The following ZNF91 variants were observed in gnomAD, a reference collection of about 807,000 sequenced individuals.
The protein encoded by ZNF91 is zinc finger protein 91 (HPF7, HTF10).
A neutral mutation model predicts 12.6 loss-of-function variants in ZNF91; 7 were observed. The ratio of observed to expected loss-of-function variants is 0.55; its 90% CI spans 0.31 to 1.04. The LOEUF (loss-of-function observed/expected upper bound fraction) is 1.04. Among genes scored for constraint, ZNF91 ranks in the 50% least tolerant of loss-of-function variants. The pLI, the probability that ZNF91 is intolerant of heterozygous loss-of-function variation, is 0.05. For synonymous variants in ZNF91, 453 were observed against 462.6 expected (o/e 0.98, Z 0.27); for missense variants, 1,217 against 1,385.4 (o/e 0.88, Z 1.93).
chr19:23,315,921 T>C (rs533698369), intron 1 of ZNF91, among the ~76,000 whole-genome samples: 1 of 152,182 alleles, frequency 6.6e-6, no homozygotes, highest in Non-Finnish European at 1.5e-5. Context: ...TGTGTATCCC[T>C]GGATGCAGCA....
intron 2 of ZNF91, among the ~76,000 whole-genome samples, chr19:23,374,368 C>G (rs1426587974): frequency 6.7e-6 from 1 of 148,254 alleles, no homozygotes; most frequent in Non-Finnish European, 1.5e-5. Context: ...ACAGTGAAAC[C>G]CCGTCTCTAC....
intron 3 of ZNF91, among the ~76,000 whole-genome samples, chr19:23,305,636 G>A (rs1167853832): frequency 1.3e-5 from 2 of 152,168 alleles, no homozygotes; most frequent in African/African-American, 2.4e-5. Flanking sequence ...CGATATTTGA[G>A]CCCAGATGAT....
intron 3 of ZNF91, chr19:23,339,308 T>C (rs1968078314): frequency 6.6e-6 from 1 of 152,106 alleles, no homozygotes; most frequent in African/African-American, 2.4e-5. Context: ...AAAGAAATCA[T>C]TTCAGCCAAA....
intron 3 of ZNF91, chr19:23,339,606 A>T (rs569402829): frequency 1.3e-5 from 2 of 152,356 alleles, no homozygotes; most frequent in African/African-American, 4.8e-5. Context: ...CAAAGAATTT[A>T]AATAACATAC....
intron 1 of ZNF91, among the ~76,000 whole-genome samples, chr19:23,389,320 C>A (rs1477624962): frequency 2.1e-5 from 3 of 144,296 alleles, no homozygotes; most frequent in African/African-American, 7.8e-5. Context: ...GGCTGGTGGA[C>A]AAAACAGCCT....
At chr19:23,334,933 C>T (rs12151189), downstream of ZNF91, among the ~76,000 whole-genome samples, 28,699 of 152,128 alleles carry the variant, frequency 0.19, 2,930 homozygotes, top group Non-Finnish European at 0.21. Flanking sequence ...AATAATGAGA[C>T]GCCAGTTTTT....
chr19:23,387,147 A>G (rs1969899164), intron 1 of ZNF91, among the ~76,000 whole-genome samples: 1 of 152,238 alleles, frequency 6.6e-6, no homozygotes. Context: ...AAAAATAGAT[A>G]CTGTCAAGGT....
chr19:23,368,950 C>T (rs296080), intron 3 of ZNF91, among the ~76,000 whole-genome samples: 154 of 152,104 alleles, frequency 1.0e-3, no homozygotes, highest in African/African-American at 3.5e-3. Flanking sequence ...AACAAAATCC[C>T]CTCACACCCA....
At chr19:23,343,807 C>T (rs935941397) in intron 3 of ZNF91, among the ~76,000 whole-genome samples, 4 of 152,208 alleles carry the variant, frequency 2.6e-5, no homozygotes, top group Admixed American at 6.5e-5. Context: ...ACCCACCACT[C>T]GCCCACTGAC....
At chr19:23,354,993 C>T (rs575369414), downstream of ZNF91, among the ~76,000 whole-genome samples, 32 of 152,198 alleles carry the variant, frequency 2.1e-4, no homozygotes, top group Non-Finnish European at 4.0e-4. Context: ...ACATCCCATG[C>T]ACAAGCATGG....
intron 3 of ZNF91, among the ~76,000 whole-genome samples, chr19:23,373,346 T>A (rs1038161821): frequency 4.4e-4 from 38 of 85,806 alleles, no homozygotes; most frequent in East Asian, 1.2e-3. Flanking sequence ...TCATGTAATC[T>A]TATATATATA....
At position 23,358,102 on chromosome 19, in the gene ZNF91, T is replaced by C. The variant is rs1406538599; in HGVS notation, c.*1301A>G. On this transcript the variant is annotated 3_prime_UTR_variant, in exon 4 of 4. Coordinates refer to ENST00000300619, the MANE Select transcript of ZNF91 (RefSeq NM_003430.4). ...CAAATAGTGTATTTTTACCATCTTT[T>C]ACCTACACCCTTGAGTAAGGTGGAA... The C allele has an allele frequency of 6.6e-6, 1 of 152,196 alleles. No individual in the cohort carries two copies. Among genetic ancestry groups the C allele is most frequent in the African/African-American group, 2.4e-5 (1 of 41,462 alleles). 9.4% of individuals were successfully genotyped at this position (152,196 alleles called of 1,614,324 possible).
rs1204039378 is a variant in ZNF91 at position 23,360,398 on chromosome 19, T to C, written c.2581A>G (p.Lys861Glu). Residue 861 changes from lysine to glutamate, a missense_variant, in exon 4 of 4, where the codon AAA becomes GAA. This residue lies in a region of ZNF91 where 491 missense variants were observed against 489.8 expected (regional missense o/e 1.00). Transcript: ENST00000300619. ...EKLYKCEECG[K>E]AFNQSSNLTT... ...AGATTTGAAGATTGATTAAAAGCTT[T>C]GCCACATTCCTCACATTTGTAGAGT... 1.9e-6 allele frequency: 3 copies of C among 1,614,180 alleles called. No homozygotes were observed. In the Admixed American group the frequency reaches 5.0e-5, roughly 27 times the overall value.
Position 23,359,805 on chromosome 19 carries a change from T to C in ZNF91, c.3174A>G (p.Ala1058=), listed in dbSNP as rs1156809399. 1.2e-6 allele frequency: 2 copies of C among 1,613,146 alleles called. No homozygotes were observed. The highest frequency in any genetic ancestry group is 1.7e-6 in the Non-Finnish European group (2 of 1,179,792). ...KPYKCEECGK[A]FISSSTLNGH... Reference sequence around the variant, plus strand: ...CATTTAGGGTTGAGGATGATATAAATGCTTTGCCACATTCTTCACACTTGT... The same window carrying C: ...CATTTAGGGTTGAGGATGATATAAACGCTTTGCCACATTCTTCACACTTGT... The change falls in exon 4 of 4, where the codon GCA becomes GCG. Residue 1058 remains alanine (A), a synonymous_variant. Transcript: ENST00000300619.
Position 23,361,153 on chromosome 19 carries a change from T to C in ZNF91, c.1826A>G (p.Lys609Arg). The C allele has an allele frequency of 6.2e-7, 1 of 1,613,776 alleles. No individual in the cohort carries two copies. The highest frequency in any genetic ancestry group is 8.5e-7 in the Non-Finnish European group (1 of 1,179,866). Residue 609 changes from lysine to arginine, a missense_variant, in exon 4 of 4, where the codon AAA becomes AGA. This residue lies in a region of ZNF91 where 726 missense variants were observed against 895.5 expected (regional missense o/e 0.81). Transcript: ENST00000300619. ...EKSYKCEECG[K>R]AFLWSSTLRR... Reference sequence around the variant, plus strand: ...TAGGGTTGAGGACCATAGAAATGCTTTGCCACATTCTTCACACTTGTAAGA... The same window carrying C: ...TAGGGTTGAGGACCATAGAAATGCTCTGCCACATTCTTCACACTTGTAAGA...
chr19:23,373,387 A>AT (rs1568395319), intron 3 of ZNF91, among the ~76,000 whole-genome samples: 1,379 of 77,842 alleles, frequency 0.018, 55 homozygotes, highest in Middle Eastern at 0.025. Flanking sequence ...TATATATATA[A>AT]ATAAACAGTA....
intron 3 of ZNF91, among the ~76,000 whole-genome samples, chr19:23,369,871 A>G (rs1359898305): frequency 2.6e-5 from 4 of 151,416 alleles, no homozygotes; most frequent in Non-Finnish European, 2.9e-5. Flanking sequence ...ACACTGCGGA[A>G]GGCCGCAGGG....
chr19:23,366,155 C>T (rs910033848), intron 3 of ZNF91, among the ~76,000 whole-genome samples: 11 of 152,066 alleles, frequency 7.2e-5, no homozygotes, highest in African/African-American at 9.7e-5. Context: ...CGGGCAGAGG[C>T]GCCCCTCACC....
At chr19:23,339,572 G>C (rs1453040887) in intron 3 of ZNF91, 1 of 152,128 alleles carries the variant, frequency 6.6e-6, no homozygotes, top group African/African-American at 2.4e-5. Flanking sequence ...AGTATCAAGA[G>C]AAATTTCAGA....
Sources: allele counts gnomAD v4.1 joint callset (sites outside exome capture counted in the v4.1 genomes callset), GRCh38; gene constraint gnomAD v4.1.1; regional missense constraint gnomAD v4.1.1; transcripts MANE v1.5; gene names NCBI Gene and HGNC (gene_info 2026-07-23, HGNC 2026-07-21).